Variants in PTPRD observed in about 807,000 individuals in gnomAD.
PTPRD encodes receptor-type tyrosine-protein phosphatase delta.
Under a neutral mutation model 214.5 loss-of-function variants are expected in PTPRD, and 34 were observed. The ratio of observed to expected loss-of-function variants is 0.16; its 90% CI spans 0.12 to 0.21. PTPRD has a LOEUF of 0.21. Ranked by LOEUF, PTPRD falls within the 10% of genes least tolerant of loss-of-function variation. PTPRD has a pLI of 1.00. For synonymous variants in PTPRD, 1,128 were observed against 845.7 expected, an observed-to-expected ratio of 1.33 and a Z score of -5.79; for missense variants, 2,545 against 2,398.7, an observed-to-expected ratio of 1.06 and a Z score of -1.27.
At chr9:8,817,174 C>T (rs568696261) in intron 11 of PTPRD, among the ~76,000 whole-genome samples, 15 of 152,314 alleles carry the variant, frequency 9.8e-5, no homozygotes, top group African/African-American at 3.4e-4. Context: ...ATTTCTATGA[C>T]ATTTCTCATG....
intron 2 of PTPRD, among the ~76,000 whole-genome samples, chr9:10,499,799 T>C (rs1321499855): frequency 6.6e-6 from 1 of 151,888 alleles, no homozygotes; most frequent in Admixed American, 6.6e-5. Flanking sequence ...CCAAAAACTT[T>C]TTCATAATAT....
chr9:9,901,881 C>T (rs1247351873), intron 5 of PTPRD, among the ~76,000 whole-genome samples: 1 of 152,128 alleles, frequency 6.6e-6, no homozygotes, highest in Non-Finnish European at 1.5e-5. Flanking sequence ...TACACACTCT[C>T]AAAAGACTAG....
At chr9:9,800,403 T>A (rs954695339) in intron 5 of PTPRD, 3 of 152,168 alleles carry the variant, frequency 2.0e-5, no homozygotes, top group Non-Finnish European at 2.9e-5. Flanking sequence ...CATAAATGTA[T>A]ATGAACTCAG....
intron 2 of PTPRD, among the ~76,000 whole-genome samples, chr9:10,535,423 C>A (rs535314752): frequency 2.0e-5 from 3 of 152,196 alleles, no homozygotes; most frequent in East Asian, 3.9e-4. Flanking sequence ...CATCTACTTA[C>A]CGTCGTGAGC....
At chr9:9,126,672 A>C (rs2099834428) in intron 10 of PTPRD, among the ~76,000 whole-genome samples, 1 of 152,218 alleles carries the variant, frequency 6.6e-6, no homozygotes, top group Admixed American at 6.5e-5. Context: ...TGGTAGTTGT[A>C]GTGGTAGTAA....
intron 11 of PTPRD, among the ~76,000 whole-genome samples, chr9:8,839,544 C>T (rs984533493): frequency 3.3e-5 from 5 of 152,074 alleles, no homozygotes; most frequent in Admixed American, 2.6e-4. Flanking sequence ...AGGCTAGTCT[C>T]GAATTCCTGA....
intron 5 of PTPRD, among the ~76,000 whole-genome samples, chr9:9,845,284 A>G (rs908008242): frequency 1.4e-5 from 2 of 146,446 alleles, no homozygotes; most frequent in Non-Finnish European, 3.0e-5. Context: ...ATTTTCAAAG[A>G]GAAAAGAGAG....
chr9:8,637,024 G>T (rs1275755014), intron 12 of PTPRD, among the ~76,000 whole-genome samples, 180 bp from the exon 13 acceptor site: 2 of 152,080 alleles, frequency 1.3e-5, no homozygotes, highest in Non-Finnish European at 2.9e-5. Context: ...AGTTTAAAGG[G>T]GAAGGACATA....
At chr9:8,640,708 T>C (rs2096557902) in intron 12 of PTPRD, among the ~76,000 whole-genome samples, 1 of 149,526 alleles carries the variant, frequency 6.7e-6, no homozygotes, top group African/African-American at 2.5e-5. Flanking sequence ...TACATATATA[T>C]ATATGAAAGA....
intron 11 of PTPRD, among the ~76,000 whole-genome samples, chr9:8,762,473 T>G (rs908744344): frequency 2.8e-4 from 42 of 152,232 alleles, no homozygotes; most frequent in African/African-American, 9.9e-4. Flanking sequence ...ATTATTTTCT[T>G]AATTTAATTC....
intron 8 of PTPRD, among the ~76,000 whole-genome samples, chr9:9,414,008 TC>T (rs1265871446): frequency 6.6e-6 from 1 of 152,246 alleles, no homozygotes; most frequent in African/African-American, 2.4e-5. Flanking sequence ...ACACCTTTTT[TC>T]TTTTTCCTTT....
At chr9:9,521,152 G>T (rs1213887425) in intron 8 of PTPRD, among the ~76,000 whole-genome samples, 1 of 152,148 alleles carries the variant, frequency 6.6e-6, no homozygotes, top group Non-Finnish European at 1.5e-5. Flanking sequence ...GGCTGCTTGA[G>T]AGGTGTTACT....
intron 14 of PTPRD, among the ~76,000 whole-genome samples, chr9:8,624,391 A>C (rs1398794627): frequency 6.6e-6 from 1 of 151,904 alleles, no homozygotes; most frequent in African/African-American, 2.4e-5. Context: ...TTGAGAAGAC[A>C]CAAAAACTTA....
intron 3 of PTPRD, among the ~76,000 whole-genome samples, chr9:10,153,508 A>G (rs1485405406): frequency 6.6e-6 from 1 of 150,494 alleles, no homozygotes; most frequent in Non-Finnish European, 1.5e-5. Context: ...ATTTTTATAT[A>G]TTATATATAT....
chr9:10,281,438 A>G (rs1343190903), intron 3 of PTPRD, among the ~76,000 whole-genome samples: 6 of 152,206 alleles, frequency 3.9e-5, no homozygotes, highest in Admixed American at 3.9e-4. Context: ...TGCTTTATGG[A>G]AATGTCCAAA....
At chr9:9,074,217 G>C (rs1187716650) in intron 10 of PTPRD, among the ~76,000 whole-genome samples, 7 of 152,044 alleles carry the variant, frequency 4.6e-5, no homozygotes, top group Non-Finnish European at 2.9e-5. Flanking sequence ...TTTTTCCTGA[G>C]TTTTATTGAT....
At chr9:8,592,441 C>G (rs2094176613) in intron 14 of PTPRD, among the ~76,000 whole-genome samples, 3 of 152,180 alleles carry the variant, frequency 2.0e-5, no homozygotes, top group Admixed American at 2.0e-4. Flanking sequence ...CTGCTTGCCA[C>G]TGACATACAA....
intron 3 of PTPRD, among the ~76,000 whole-genome samples, chr9:10,079,618 A>G (rs1346809160): frequency 6.6e-6 from 1 of 152,118 alleles, no homozygotes; most frequent in African/African-American, 2.4e-5. Flanking sequence ...ATTGAATTAA[A>G]TATGGTACCT....
chr9:10,068,048 C>T (rs16930975), intron 3 of PTPRD, among the ~76,000 whole-genome samples: 13,721 of 151,854 alleles, frequency 0.09, 1,862 homozygotes, highest in African/African-American at 0.29. Flanking sequence ...TGAGTTCCTT[C>T]GCTCTAGGTC....
Sources: allele counts gnomAD v4.1 joint callset (sites outside exome capture counted in the v4.1 genomes callset), GRCh38; gene constraint gnomAD v4.1.1; transcripts MANE v1.5; gene names NCBI Gene and HGNC (gene_info 2026-07-23, HGNC 2026-07-21).